ASIP: variants seen among roughly 807,000 people sequenced by gnomAD.
The protein encoded by ASIP is agouti-signaling protein.
ASIP carries 11 observed loss-of-function variants against 10.3 expected under a neutral mutation model. That is an observed-to-expected ratio of 1.07 (90% CI 0.68 to 1.78). The LOEUF (loss-of-function observed/expected upper bound fraction) is 1.78, where lower values mean the gene tolerates loss of function less well. Ranked by LOEUF, ASIP falls within the 40% of genes most tolerant of loss-of-function variation. The pLI is 0.00. For synonymous variants in ASIP, 70 were observed against 70.8 expected, an observed-to-expected ratio of 0.99 and a Z score of 0.06; for missense variants, 180 against 169.2, an observed-to-expected ratio of 1.06 and a Z score of -0.35.
At chr20:34,207,824 C>T (rs991084527) in intron 1 of ASIP, among the ~76,000 whole-genome samples, 1 of 151,918 alleles carries the variant, frequency 6.6e-6, no homozygotes, top group Admixed American at 6.6e-5. Flanking sequence ...GAGTCTCACT[C>T]TGTTGCCCAG....
At chr20:34,211,878 A>C (rs971951768) in intron 1 of ASIP, among the ~76,000 whole-genome samples, 1 of 152,152 alleles carries the variant, frequency 6.6e-6, no homozygotes, top group African/African-American at 2.4e-5. Context: ...CTAGGTGTAC[A>C]TTTATCCTGC....
At chr20:34,237,616 T>C (rs561545037), upstream of ASIP, among the ~76,000 whole-genome samples, 1 of 152,314 alleles carries the variant, frequency 6.6e-6, no homozygotes, top group East Asian at 1.9e-4. Context: ...TTTTACTCCT[T>C]CCTTTTTAAT....
intron 3 of ASIP, among the ~76,000 whole-genome samples, chr20:34,268,320 T>A (rs1246683414): frequency 2.6e-5 from 4 of 152,042 alleles, no homozygotes; most frequent in Admixed American, 2.0e-4. Context: ...ACCTGCTGCG[T>A]TCGGTGCACA....
chr20:34,244,161 C>T (rs1463101644), intron 1 of ASIP, among the ~76,000 whole-genome samples: 1 of 152,100 alleles, frequency 6.6e-6, no homozygotes, highest in Non-Finnish European at 1.5e-5. Context: ...TAGAAGTGTC[C>T]GCAGCAATTT....
chr20:34,198,543 G>C (rs2034873255), intron 1 of ASIP, among the ~76,000 whole-genome samples: 1 of 152,088 alleles, frequency 6.6e-6, no homozygotes, highest in Non-Finnish European at 1.5e-5. Flanking sequence ...CTGGAGTGCA[G>C]TGGTGTGATC....
chr20:34,252,071 G>T lies in ASIP; in HGVS notation c.-10-8294G>T, dbSNP rs527360764. Among the ~76,000 whole-genome samples, 52 of 152,326 alleles carry T rather than the reference G, an allele frequency of 3.4e-4. No individual in the cohort carries two copies. The South Asian group carries it at 0.011, about 31-fold the overall frequency. ...AATTTTTGTCAAGTTTCCACTCTGTGCCTCAGACTCTATAGTGAGTCATAT... is the reference window on the plus strand; with the variant it reads ...AATTTTTGTCAAGTTTCCACTCTGTTCCTCAGACTCTATAGTGAGTCATAT... On this transcript the variant is annotated intron_variant, in intron 1 of 3. Coordinates refer to ENST00000374954, the MANE Select transcript of ASIP (RefSeq NM_001672.3).
At chr20:34,219,044 A>G (rs546345512) in intron 1 of ASIP, among the ~76,000 whole-genome samples, 1 of 152,312 alleles carries the variant, frequency 6.6e-6, no homozygotes, top group East Asian at 1.9e-4. Context: ...GCTCTTGTAT[A>G]CAGATGTACA....
At chr20:34,258,346 C>CTTT (rs56005855) in intron 1 of ASIP, among the ~76,000 whole-genome samples, 28 of 138,456 alleles carry the variant, frequency 2.0e-4, no homozygotes, top group East Asian at 6.3e-4. Context: ...GTTGGATATT[C>CTTT]TTTTTTTTTT....
At chr20:34,259,403 C>T (rs889734682) in intron 1 of ASIP, among the ~76,000 whole-genome samples, 1 of 151,974 alleles carries the variant, frequency 6.6e-6, no homozygotes, top group Non-Finnish European at 1.5e-5. Context: ...ATCCCAGCTA[C>T]TCTGGAGGCT....
Position 34,253,442 on chromosome 20 carries a change from TTTTATTTTATTTATTTA to T in ASIP, c.-10-6915_-10-6899del, listed in dbSNP as rs1414487423. Among the ~76,000 whole-genome samples the T allele has an allele frequency of 5.8e-3, 605 of 105,120 alleles. 5 individuals carry two copies. Among genetic ancestry groups the T allele is most frequent in the African/African-American group, 0.033 (577 of 17,526 alleles). 69.0% of individuals were successfully genotyped at this position (105,120 alleles called of 152,430 possible). On this transcript the variant is annotated intron_variant, in intron 1 of 3. Transcript: ENST00000374954. ...TCTTTTCCCTACGCTCTTATTTTTA[TTTTATTTTATTTATTTA>T]TTTATTTATTTATTTATTTATTTAT...
chr20:34,205,791 G>T (rs1271561405), intron 1 of ASIP, among the ~76,000 whole-genome samples: 3 of 145,874 alleles, frequency 2.1e-5, no homozygotes, highest in African/African-American at 8.4e-5. Flanking sequence ...AGACAAAAAA[G>T]TTCTCCAAGT....
chr20:34,189,097 T>C, the ASIP span, among the ~76,000 whole-genome samples: 1 of 152,182 alleles, frequency 6.6e-6, no homozygotes, highest in Non-Finnish European at 1.5e-5. Context: ...TATTCTCTAA[T>C]TCTCACAACG....
At chr20:34,267,374 T>C (rs1377673361) in intron 3 of ASIP, among the ~76,000 whole-genome samples, 1 of 133,562 alleles carries the variant, frequency 7.5e-6, no homozygotes, top group Non-Finnish European at 1.5e-5. Context: ...CAGCGTCCAA[T>C]AGAAATACAA....
At chr20:34,250,040 G>C (rs1157935039) in intron 1 of ASIP, 1 of 152,272 alleles carries the variant, frequency 6.6e-6, no homozygotes, top group Non-Finnish European at 1.5e-5. Flanking sequence ...CCTCCATGCT[G>C]GGGTCCAGCT....
At chr20:34,236,306 G>A (rs553836042) in intron 1 of ASIP, among the ~76,000 whole-genome samples, 109 of 152,324 alleles carry the variant, frequency 7.2e-4, no homozygotes, top group African/African-American at 2.3e-3. Flanking sequence ...TTGGGAGGCC[G>A]AAGCGGGCAG....
chr20:34,189,642 T>C (rs1241006974), upstream of ASIP, among the ~76,000 whole-genome samples: 1 of 152,190 alleles, frequency 6.6e-6, no homozygotes, highest in Non-Finnish European at 1.5e-5. Flanking sequence ...TAACACATTA[T>C]AACACAGGGA....
At chr20:34,264,530 A>G (rs1268220279) in intron 3 of ASIP, among the ~76,000 whole-genome samples, 1 of 152,218 alleles carries the variant, frequency 6.6e-6, no homozygotes, top group Non-Finnish European at 1.5e-5. Flanking sequence ...AAGTGTTCCC[A>G]AGAAGCAAAG....
intron 1 of ASIP, among the ~76,000 whole-genome samples, chr20:34,222,675 C>T (rs894064006): frequency 1.3e-5 from 2 of 152,212 alleles, no homozygotes; most frequent in South Asian, 2.1e-4. Context: ...CCCACGGTCT[C>T]CCTCTCATGC....
chr20:34,201,499 T>A lies in ASIP; in HGVS notation c.-11+6739T>A, dbSNP rs574878376. Among the ~76,000 whole-genome samples, 15 of 152,254 alleles carry A rather than the reference T, an allele frequency of 9.9e-5. No homozygotes were observed. The East Asian group carries it at 2.7e-3, about 27-fold the overall frequency. ...TTAATAACAAACAGGTGTAAAAAAATTTCACATTGAAATGATACAAACATT... is the reference window on the plus strand; with the variant it reads ...TTAATAACAAACAGGTGTAAAAAAAATTCACATTGAAATGATACAAACATT... On this transcript the variant is annotated intron_variant, in intron 1 of 3. Coordinates refer to the ASIP transcript ENST00000568305.
Sources: gnomAD v4.1 joint callset for allele counts (sites outside exome capture counted in the v4.1 genomes callset) on GRCh38, gnomAD v4.1.1 for gene constraint, MANE v1.5 for transcripts, NCBI Gene and HGNC (gene_info 2026-07-23, HGNC 2026-07-21) for gene names.